The following GRK5 variants were observed in gnomAD, a reference collection of about 807,000 sequenced individuals.
GRK5 encodes G protein-coupled receptor kinase 5.
GRK5 carries 40 observed loss-of-function variants against 78.4 expected under a neutral mutation model. That is an observed-to-expected ratio of 0.51 (90% CI 0.40 to 0.66). The LOEUF (loss-of-function observed/expected upper bound fraction) is 0.66, where lower values mean the gene tolerates loss of function less well. Ranked by LOEUF, GRK5 falls within the 30% of genes least tolerant of loss-of-function variation. The pLI is 0.00. For missense variants in GRK5, 598 were observed against 759.9 expected (o/e 0.79, Z 2.50); for synonymous variants, 289 against 296.8 (o/e 0.97, Z 0.27).
chr10:119,427,150 TA>T (rs1852701099), intron 6 of GRK5, among the ~76,000 whole-genome samples: 1 of 141,902 alleles, frequency 7.0e-6, no homozygotes, highest in African/African-American at 2.7e-5. Context: ...TCACTGCTGT[TA>T]TCAATATCCC....
chr10:119,420,946 G>A (rs1191779365), intron 4 of GRK5, among the ~76,000 whole-genome samples: 13 of 152,112 alleles, frequency 8.5e-5, no homozygotes, highest in Admixed American at 7.9e-4. Context: ...GGTGGGTAAG[G>A]GTGGGTCCTT....
chr10:119,270,164 C>T (rs765767375), intron 1 of GRK5, among the ~76,000 whole-genome samples: 2 of 152,224 alleles, frequency 1.3e-5, no homozygotes, highest in Non-Finnish European at 2.9e-5. Flanking sequence ...CTTTGCAGCC[C>T]ACTGCCAGCC....
chr10:119,284,379 T>C (rs1236842299), intron 1 of GRK5, among the ~76,000 whole-genome samples: 1 of 152,164 alleles, frequency 6.6e-6, no homozygotes, highest in Non-Finnish European at 1.5e-5. Flanking sequence ...CTCAAACAGT[T>C]CTCTCACCTT....
intron 1 of GRK5, among the ~76,000 whole-genome samples, chr10:119,241,681 C>T (rs1849030878): frequency 6.6e-6 from 1 of 152,140 alleles, no homozygotes; most frequent in African/African-American, 2.4e-5. Flanking sequence ...ATGGTCTTTG[C>T]CTTGATTGTG....
chr10:119,422,948 T>G (rs1230377554), intron 4 of GRK5, among the ~76,000 whole-genome samples: 1 of 152,224 alleles, frequency 6.6e-6, no homozygotes, highest in Admixed American at 6.5e-5. Context: ...ATTCACCACC[T>G]TCCAGCTCAG....
At chr10:119,295,181 C>T (rs1471368966) in intron 1 of GRK5, among the ~76,000 whole-genome samples, 1 of 99,980 alleles carries the variant, frequency 1.0e-5, no homozygotes, top group Non-Finnish European at 1.9e-5. Context: ...CAGAGCGAGA[C>T]TCAGTCTCAA....
At chr10:119,354,011 T>C (rs1199399073) in intron 2 of GRK5, among the ~76,000 whole-genome samples, 1 of 150,292 alleles carries the variant, frequency 6.7e-6, no homozygotes, top group African/African-American at 2.4e-5. Context: ...AATATTACTA[T>C]GTTGATTTTG....
intron 6 of GRK5, among the ~76,000 whole-genome samples, chr10:119,428,240 G>A (rs1039579142): frequency 2.0e-5 from 3 of 152,234 alleles, no homozygotes; most frequent in African/African-American, 7.2e-5. Flanking sequence ...CCAGCCCACC[G>A]CTACCAGCTA....
In GRK5 at chr10:119,452,494, C is replaced by T; in HGVS notation, c.1405-177C>T. 9 of 646,136 alleles carry T rather than the reference C, an allele frequency of 1.4e-5. No homozygotes were observed. Among genetic ancestry groups the T allele is most frequent in the Non-Finnish European group, 2.1e-5 (8 of 389,794 alleles). The allele number at this position is 646,136 out of a possible 1,614,324, so 40.0% of individuals were successfully genotyped here. ...AGCCCAGCCAAGCCACTGGGGCCGA[C>T]CCCTCCCCTGGACTCACCTGCATCT... is the stretch of plus-strand genomic sequence containing the variant. On this transcript the variant is annotated intron_variant, in intron 13 of 15. Transcript: ENST00000392870. This position sits in a 1 kb window ranked among gnomAD's most constrained non-coding sequence, Gnocchi z 4.4.
chr10:119,449,684 G>A (rs1853236068), intron 13 of GRK5, among the ~76,000 whole-genome samples: 1 of 152,184 alleles, frequency 6.6e-6, no homozygotes, highest in Non-Finnish European at 1.5e-5. Context: ...AGCTACCTGG[G>A]AGGCTGAGGC....
intron 1 of GRK5, among the ~76,000 whole-genome samples, chr10:119,237,252 G>A (rs1452419572): frequency 6.6e-6 from 1 of 151,944 alleles, no homozygotes; most frequent in Non-Finnish European, 1.5e-5. Flanking sequence ...TAGTAGAAAT[G>A]GGGTTTCATC....
intron 2 of GRK5, among the ~76,000 whole-genome samples, chr10:119,376,529 C>T (rs1277995109): frequency 3.3e-5 from 5 of 150,108 alleles, no homozygotes; most frequent in African/African-American, 7.4e-5. Context: ...ACTTAGGGGC[C>T]GAGGAGCTCC....
At chr10:119,429,045 G>A (rs937882006) in intron 6 of GRK5, among the ~76,000 whole-genome samples, 17 of 152,196 alleles carry the variant, frequency 1.1e-4, no homozygotes, top group Non-Finnish European at 2.1e-4. Context: ...CCACGTGGTC[G>A]AGGCAGGCGT....
chr10:119,382,459 C>T (rs561717945), intron 3 of GRK5, among the ~76,000 whole-genome samples: 12 of 152,248 alleles, frequency 7.9e-5, no homozygotes, highest in Admixed American at 7.2e-4. Context: ...TAAAAGTCGA[C>T]AGAATAGTGT....
rs1488714711 is a variant in GRK5 at position 119,207,844 on chromosome 10, C to G, written c.-74C>G. ...GCAGCAGCGGCGGCAGCCCGAGCAG[C>G]GGCAGCAGCAGCGGCAGCACCCCAG... On this transcript the variant is annotated 5_prime_UTR_variant, in exon 1 of 16. Coordinates refer to ENST00000392870, the MANE Select transcript of GRK5 (RefSeq NM_005308.3). 2 of 1,412,348 alleles carry G rather than the reference C, an allele frequency of 1.4e-6. No homozygotes were observed. Among genetic ancestry groups the G allele is most frequent in the Non-Finnish European group, 1.9e-6 (2 of 1,038,544 alleles). The allele number at this position is 1,412,348 out of a possible 1,614,324, so 87.5% of individuals were successfully genotyped here. A position where few individuals can be genotyped will look rare whatever the true frequency, so the allele number is the denominator to read the frequency against.
chr10:119,279,840 A>G (rs907748178), intron 1 of GRK5, among the ~76,000 whole-genome samples: 1 of 152,172 alleles, frequency 6.6e-6, no homozygotes, highest in African/African-American at 2.4e-5. Context: ...CAGCTTTGGG[A>G]AAGTGTGAAG....
chr10:119,395,339 C>T (rs1404712645), intron 3 of GRK5, among the ~76,000 whole-genome samples: 2 of 152,222 alleles, frequency 1.3e-5, no homozygotes, highest in African/African-American at 2.4e-5. Context: ...TCTGTGGTCA[C>T]TGCGAGTGCC....
Position 119,292,149 on chromosome 10 carries a change from TTCCTCCTCCTCTTCCTCC to T in GRK5, c.53-34358_53-34341del, listed in dbSNP as rs1564879785. ...CCTCATCTTCCTCCTTCTCCTCCTC[TTCCTCCTCCTCTTCCTCC>T]TCCTCCTCTTCCTCCTCCTCCTCTT... On this transcript the variant is annotated intron_variant, in intron 1 of 15. Coordinates refer to ENST00000392870, the MANE Select transcript of GRK5 (RefSeq NM_005308.3). 9.1e-3 allele frequency among the ~76,000 whole-genome samples: 581 copies of T among 64,122 alleles called. 43 individuals are homozygous for T. The highest frequency in any genetic ancestry group is 0.036 in the African/African-American group (549 of 15,144). The allele number at this position is 64,122 out of a possible 152,430, so 42.1% of individuals were successfully genotyped here.
intron 3 of GRK5, among the ~76,000 whole-genome samples, chr10:119,387,004 A>AT (rs781044912): frequency 1.2e-3 from 182 of 145,672 alleles, no homozygotes; most frequent in East Asian, 1.2e-3. Context: ...CCTGCACAGT[A>AT]TTTTTTTTTT....
Sources: gnomAD v4.1 joint callset for allele counts (sites outside exome capture counted in the v4.1 genomes callset) on GRCh38, gnomAD v4.1.1 for gene constraint, Gnocchi (gnomAD v3.1) non-coding constraint, MANE v1.5 for transcripts, NCBI Gene and HGNC (gene_info 2026-07-23, HGNC 2026-07-21) for gene names.